PEX5L: variants seen among roughly 807,000 people sequenced by gnomAD.
The protein encoded by PEX5L is peroxisomal biogenesis factor 5 like, also known as PEX5-related protein.
A neutral mutation model predicts 84.0 loss-of-function variants in PEX5L; 30 were observed. That is an observed-to-expected ratio of 0.36 (90% CI 0.27 to 0.48). The LOEUF is 0.48. PEX5L is among the 20% of genes least tolerant of loss of function. The probability of loss-of-function intolerance (pLI) is 0.99; values close to 1 mark genes in which losing one functional copy is unlikely to be tolerated. For synonymous variants in PEX5L, 270 were observed against 283.1 expected (o/e 0.95, Z 0.46); for missense variants, 533 against 754.6 (o/e 0.71, Z 3.44).
At chr3:179,861,960 G>T (rs1050529658) in intron 7 of PEX5L, among the ~76,000 whole-genome samples, 1 of 152,162 alleles carries the variant, frequency 6.6e-6, no homozygotes, top group Non-Finnish European at 1.5e-5. Context: ...TATGGCTAGT[G>T]TAACAAATAT....
At chr3:179,895,084 G>T (rs969174634) in intron 3 of PEX5L, among the ~76,000 whole-genome samples, 1 of 151,876 alleles carries the variant, frequency 6.6e-6, no homozygotes, top group Non-Finnish European at 1.5e-5. Context: ...TATGATGAGG[G>T]CCTCATGATT....
At chr3:179,963,940 T>C (rs1205834443) in intron 2 of PEX5L, among the ~76,000 whole-genome samples, 1 of 152,176 alleles carries the variant, frequency 6.6e-6, no homozygotes, top group Non-Finnish European at 1.5e-5. Flanking sequence ...TGTCCCCAAA[T>C]TCCAAGGACA....
chr3:179,905,481 G>A (rs1762864371), intron 2 of PEX5L, among the ~76,000 whole-genome samples: 1 of 152,066 alleles, frequency 6.6e-6, no homozygotes. Flanking sequence ...CACCGTGTTA[G>A]CCAGGATGGT....
In PEX5L at chr3:179,993,277, C is replaced by T. The variant is rs75481617; in HGVS notation, c.22-21612G>A. ...TTTGCACAAGTTCTTTGGCAAAATG[C>T]CTACTCATATCTTTTGCCCATTTTC... On this transcript the variant is annotated intron_variant, in intron 1 of 14. Transcript: ENST00000467460. Among the ~76,000 whole-genome samples the T allele has an allele frequency of 5.1e-3, 778 of 152,132 alleles. 4 individuals are homozygous for T. The highest frequency in any genetic ancestry group is 7.8e-3 in the Non-Finnish European group (531 of 67,988).
chr3:179,886,980 T>G (rs763307573), intron 4 of PEX5L, among the ~76,000 whole-genome samples: 1 of 152,214 alleles, frequency 6.6e-6, no homozygotes, highest in East Asian at 1.9e-4. Context: ...ATGTGAATGC[T>G]GACCAAATGA....
At chr3:179,895,034 A>G (rs557455877) in intron 3 of PEX5L, among the ~76,000 whole-genome samples, 1 of 152,240 alleles carries the variant, frequency 6.6e-6, no homozygotes, top group African/African-American at 2.4e-5. Flanking sequence ...ATTTGTTTAT[A>G]CTATTACCCT....
chr3:179,860,506 C>A (rs1204178519), intron 7 of PEX5L, among the ~76,000 whole-genome samples: 2 of 152,204 alleles, frequency 1.3e-5, no homozygotes, highest in African/African-American at 4.8e-5. Context: ...GGGACCCGGG[C>A]CTTTGATGTT....
chr3:179,956,763 C>T (rs1486437091), intron 2 of PEX5L, among the ~76,000 whole-genome samples: 1 of 152,170 alleles, frequency 6.6e-6, no homozygotes, highest in Non-Finnish European at 1.5e-5. Context: ...CGGAGCGACG[C>T]AACATGCACG....
At chr3:179,808,936 T>C (rs1214695535) in intron 12 of PEX5L, among the ~76,000 whole-genome samples, 4 of 151,136 alleles carry the variant, frequency 2.6e-5, no homozygotes, top group East Asian at 1.9e-4. Context: ...TAGCCGGGCG[T>C]GTTGGCGGGC....
chr3:179,975,990 G>C (rs1045137268), intron 1 of PEX5L, among the ~76,000 whole-genome samples: 7 of 152,236 alleles, frequency 4.6e-5, no homozygotes, highest in Non-Finnish European at 8.8e-5. Flanking sequence ...TATCTAAGAA[G>C]AGAGATAAGG....
intron 10 of PEX5L, among the ~76,000 whole-genome samples, chr3:179,813,776 A>C (rs1212461276): frequency 2.0e-5 from 3 of 149,210 alleles, no homozygotes; most frequent in African/African-American, 7.5e-5. Flanking sequence ...TCCCGGGTTC[A>C]CGCCATTCTC....
intron 2 of PEX5L, among the ~76,000 whole-genome samples, chr3:179,916,900 C>G (rs576727659): frequency 1.3e-5 from 2 of 151,842 alleles, no homozygotes; most frequent in Admixed American, 1.3e-4. Context: ...GAACTTCTGA[C>G]CTCAGGTGAT....
intron 2 of PEX5L, among the ~76,000 whole-genome samples, chr3:179,923,876 C>T (rs1489262282): frequency 3.3e-5 from 5 of 152,248 alleles, no homozygotes; most frequent in South Asian, 4.1e-4. Flanking sequence ...TTCATCTATG[C>T]GACTGGCCTA....
intron 1 of PEX5L, among the ~76,000 whole-genome samples, chr3:180,016,316 T>C (rs1789943177): frequency 6.6e-6 from 1 of 152,200 alleles, no homozygotes; most frequent in Non-Finnish European, 1.5e-5. Context: ...CTCCTATTAA[T>C]TGGATGTCAG....
intron 8 of PEX5L, among the ~76,000 whole-genome samples, chr3:179,829,932 A>G (rs1732072230): frequency 6.9e-6 from 1 of 145,916 alleles, no homozygotes; most frequent in African/African-American, 2.5e-5. Flanking sequence ...GCCTGCCACC[A>G]GGCCTGGCTA....
chr3:179,894,558 T>C (rs1466653686), intron 3 of PEX5L, among the ~76,000 whole-genome samples: 4 of 152,110 alleles, frequency 2.6e-5, no homozygotes, highest in Non-Finnish European at 4.4e-5. Context: ...GCTTGGGTAG[T>C]GCTAACAATA....
intron 7 of PEX5L, among the ~76,000 whole-genome samples, chr3:179,863,504 T>A (rs1039286935): frequency 1.3e-5 from 2 of 152,100 alleles, no homozygotes; most frequent in African/African-American, 4.8e-5. Context: ...AACAACTTGA[T>A]TTAAAAATGG....
At chr3:180,024,715 T>C (rs537227852) in intron 1 of PEX5L, among the ~76,000 whole-genome samples, 24 of 152,048 alleles carry the variant, frequency 1.6e-4, no homozygotes, top group Admixed American at 5.9e-4. Flanking sequence ...AACTCACATG[T>C]GCATGCATGT....
intron 2 of PEX5L, among the ~76,000 whole-genome samples, chr3:179,944,500 C>G (rs1776993305): frequency 6.6e-6 from 1 of 152,180 alleles, no homozygotes; most frequent in African/African-American, 2.4e-5. Context: ...AACGAAATGC[C>G]TGGAAAGGTC....
Sources: gnomAD v4.1 joint callset for allele counts (sites outside exome capture counted in the v4.1 genomes callset) on GRCh38, gnomAD v4.1.1 for gene constraint, MANE v1.5 for transcripts, NCBI Gene and HGNC (gene_info 2026-07-23, HGNC 2026-07-21) for gene names.